Variants in EIF4G1 observed in about 807,000 individuals in gnomAD.
The protein encoded by EIF4G1 is eukaryotic translation initiation factor 4 gamma 1.
Under a neutral mutation model 187.8 loss-of-function variants are expected in EIF4G1, and 4 were observed. That is an observed-to-expected ratio of 0.02 (90% CI 0.01 to 0.05). EIF4G1 has a LOEUF of 0.05. EIF4G1 is among the 10% of genes least tolerant of loss of function. EIF4G1 has a pLI of 1.00. For synonymous variants in EIF4G1, 844 were observed against 781.4 expected, an observed-to-expected ratio of 1.08 and a Z score of -1.34; for missense variants, 1,647 against 2,081.1, an observed-to-expected ratio of 0.79 and a Z score of 4.06.
rs1308948244 is a variant in EIF4G1 at position 184,321,153 on chromosome 3, G to A, written c.698-129G>A. ...AATTGGGTTTTGGATGAAAGTGGAA[G>A]TATAGCTTAGGTGGGGAGAAGATGA... On this transcript the variant is annotated intron_variant, in intron 9 of 32. Transcript: ENST00000346169. 8 of 1,489,954 alleles carry A rather than the reference G, an allele frequency of 5.4e-6. No homozygotes were observed. In the Admixed American group the frequency reaches 1.3e-4, roughly 23 times the overall value. 92.3% of individuals were successfully genotyped at this position (1,489,954 alleles called of 1,614,324 possible).
At chr3:184,320,300 G>C in intron 7 of EIF4G1, 1 of 1,273,420 alleles carries the variant, frequency 7.9e-7, no homozygotes, top group Non-Finnish European at 1.0e-6. Context: ...AGCCACAAGT[G>C]AGCCGATTGG....
In EIF4G1 at chr3:184,323,869, C is replaced by T. The variant is rs954078236; in HGVS notation, c.2364C>T (p.Ile788=). The T allele has an allele frequency of 1.2e-5, 20 of 1,614,106 alleles. No homozygotes were observed. The highest frequency in any genetic ancestry group is 1.6e-4 in the Middle Eastern group (1 of 6,074). ...QLMKQVTQLA[I]DTEERLKGVI... ...TGAAGCAAGTGACGCAGCTGGCCAT[C>T]GACACCGAGGAACGCCTCAAAGGGG... The change falls in exon 16 of 33, where the codon ATC becomes ATT. Residue 788 remains isoleucine (I), a synonymous_variant. Transcript: ENST00000346169. This position sits in a 1 kb window ranked among gnomAD's most constrained non-coding sequence, Gnocchi z 6.9.
At chr3:184,329,178 C>A in intron 28 of EIF4G1, 188 bp downstream of exon 28, 1 of 667,906 alleles carries the variant, frequency 1.5e-6, no homozygotes, top group Admixed American at 2.4e-5. Context: ...TGAGTTCTGG[C>A]CAAGACTGGA....
chr3:184,322,268 C>T (rs1385676854), intron 10 of EIF4G1, 94 bp from the exon 11 acceptor site: 3 of 1,521,912 alleles, frequency 2.0e-6, no homozygotes, highest in East Asian at 4.7e-5. Flanking sequence ...AGGGGAAATA[C>T]TGTTCTTTGG....
At chr3:184,318,691 G>A (rs1723220924) in intron 6 of EIF4G1, among the ~76,000 whole-genome samples, 1 of 152,178 alleles carries the variant, frequency 6.6e-6, no homozygotes, top group African/African-American at 2.4e-5. Context: ...TGCAGCCTCC[G>A]CCTCTTGGGT....
chr3:184,332,171 T>C, intron 32 of EIF4G1, 85 bp downstream of exon 32: 1 of 1,585,914 alleles, frequency 6.3e-7, no homozygotes, highest in South Asian at 1.1e-5. Context: ...AGGGTCTTAA[T>C]CCAAGAAAGG....
At chr3:184,328,823 G>T in intron 27 of EIF4G1, 67 bp downstream of exon 27, 2 of 1,614,100 alleles carry the variant, frequency 1.2e-6, no homozygotes, top group Non-Finnish European at 1.7e-6. Flanking sequence ...GAAATGGCTG[G>T]GTTGGATACC....
chr3:184,328,261 G>T, intron 26 of EIF4G1: 1 of 504,368 alleles, frequency 2.0e-6, no homozygotes, highest in Non-Finnish European at 3.6e-6. Context: ...GCCAGGCGTG[G>T]TGGCACAGTA....
chr3:184,319,501 C>T (rs940570338), intron 6 of EIF4G1, 188 bp from the exon 7 acceptor site: 14 of 571,734 alleles, frequency 2.4e-5, no homozygotes, highest in South Asian at 7.2e-5. Context: ...TTCTTGTAAA[C>T]GCAGTTCAGA....
At position 184,324,900 on chromosome 3, in the gene EIF4G1, A is replaced by G. The variant is rs1724594456; in HGVS notation, c.2642A>G (p.Lys881Arg). Residue 881 changes from lysine (K) to arginine (R), a missense_variant, in exon 18 of 33, where the codon AAG (lysine) becomes AGG (arginine). Physicochemically the swap from Lys to Arg is conservative, Grantham distance 26 (BLOSUM62 2). Transcript: ENST00000346169. The part of the protein sequence containing the change: ...AATAEERGRL[K>R]EELEEARDIA... The stretch of plus-strand genomic sequence containing the variant: ...CAGGCAGAGGAACGAGGACGCCTGA[A>G]GGAAGAGCTGGAAGAGGCTCGGGAC... The G allele has an allele frequency of 6.2e-7, 1 of 1,614,130 alleles. No individual in the cohort carries two copies. The highest frequency in any genetic ancestry group is 8.5e-7 in the Non-Finnish European group (1 of 1,180,038).
intron 4 of EIF4G1, chr3:184,316,790 C>G: frequency 1.3e-6 from 2 of 1,550,546 alleles, no homozygotes; most frequent in East Asian, 2.2e-5. Flanking sequence ...ACCCTCCACC[C>G]TAGTCAGGGG....
In EIF4G1 at chr3:184,325,016, G is replaced by C; in HGVS notation, c.2758G>C (p.Val920Leu). The C allele has an allele frequency of 2.5e-6, 4 of 1,614,228 alleles. No individual in the cohort carries two copies. Among genetic ancestry groups the C allele is most frequent in the Non-Finnish European group, 3.4e-6 (4 of 1,180,050 alleles). Reference protein sequence around the residue: ...MLTEAIMHDCVVKLLKNHDEE... With the variant: ...MLTEAIMHDCLVKLLKNHDEE... ...AACAGAGGCAATAATGCATGACTGT[G>C]TGGTCAAACTGCTTAAGAACCATGA... The change falls in exon 18 of 33, where the codon GTG becomes CTG. Residue 920 changes from valine (V) to leucine (L), a missense_variant. By Grantham distance (32) the Val-to-Leu change is conservative (BLOSUM62 1). Transcript: ENST00000346169. This position sits in a 1 kb window ranked among gnomAD's most constrained non-coding sequence, Gnocchi z 5.2.
chr3:184,332,084 C>T lies in EIF4G1; in HGVS notation c.4616C>T (p.Pro1539Leu), dbSNP rs2108521994. The T allele has an allele frequency of 6.2e-7, 1 of 1,614,142 alleles. No individual in the cohort carries two copies. The highest frequency in any genetic ancestry group is 8.5e-7 in the Non-Finnish European group (1 of 1,180,014). ...QALVVTLEQP[P>L]NLLRMFFDAL... ...CTTGTAGTGACCTTAGAACAGCCTCCCAGTAAGAGCCAGGCCATGGGGACA... is the reference window on the plus strand; with the variant it reads ...CTTGTAGTGACCTTAGAACAGCCTCTCAGTAAGAGCCAGGCCATGGGGACA... The change falls in exon 32 of 33, where the codon CCC becomes CTC. Residue 1539 changes from proline to leucine, a missense_variant and splice_region_variant. Transcript: ENST00000346169.
In EIF4G1 at chr3:184,334,087, C is replaced by T. The variant is rs55967915; in HGVS notation, c.4619-640C>T. ...GGTGGTGCCTTGTGGGCACTGGGGTCGGTTGTGTTTCAGGGGTTATAGGAC... is the reference window on the plus strand; with the variant it reads ...GGTGGTGCCTTGTGGGCACTGGGGTTGGTTGTGTTTCAGGGGTTATAGGAC... On this transcript the variant is annotated intron_variant, in intron 32 of 32. Coordinates refer to ENST00000346169, the MANE Select transcript of EIF4G1 (RefSeq NM_198241.3). The surrounding 1 kb of genome is among the most constrained non-coding windows in gnomAD (Gnocchi z 5.8). Among the ~76,000 whole-genome samples the T allele has an allele frequency of 2.0e-5, 3 of 151,958 alleles. No individual in the cohort carries two copies. In the South Asian group the frequency reaches 6.2e-4, roughly 32 times the overall value.
At chr3:184,330,224 A>G (rs1577251278) in intron 28 of EIF4G1, among the ~76,000 whole-genome samples, 1 of 152,080 alleles carries the variant, frequency 6.6e-6, no homozygotes, top group Admixed American at 6.5e-5. Flanking sequence ...TAAAAATACA[A>G]AAAAATTAGC....
At position 184,325,624 on chromosome 3, in the gene EIF4G1, C is replaced by G. The variant is rs771572075; in HGVS notation, c.3106C>G (p.Pro1036Ala). 3 of 1,614,058 alleles carry G rather than the reference C, an allele frequency of 1.9e-6. No homozygotes were observed. The highest frequency in any genetic ancestry group is 2.5e-6 in the Non-Finnish European group (3 of 1,180,038). The change falls in exon 20 of 33, where the codon CCA (proline) becomes GCA (alanine). Residue 1036 changes from proline (P) to alanine (A), a missense_variant. Pro to Ala is a conservative substitution (Grantham distance 27). This residue lies in a region of EIF4G1 where 142 missense variants were observed against 296.6 expected (regional missense o/e 0.48). Coordinates refer to ENST00000346169, the MANE Select transcript of EIF4G1 (RefSeq NM_198241.3). The surrounding 1 kb of genome is among the most constrained non-coding windows in gnomAD (Gnocchi z 5.2). Reference sequence around the variant, plus strand: ...CAGTGACAAGCGTCGGGGCGGTCCTCCAGGCCCTCCCATCAGTGAGTTCCA... The same window carrying G: ...CAGTGACAAGCGTCGGGGCGGTCCTGCAGGCCCTCCCATCAGTGAGTTCCA... ...KGSDKRRGGP[P>A]GPPISRGLPL...
Position 184,322,795 on chromosome 3 carries a change from A to G in EIF4G1, c.1796-26A>G, listed in dbSNP as rs367592805. The G allele has an allele frequency of 1.9e-6, 3 of 1,614,076 alleles. No individual in the cohort carries two copies. In the African/African-American group the frequency reaches 4.0e-5, roughly 22 times the overall value. On this transcript the variant is annotated intron_variant, in intron 12 of 32. Coordinates refer to ENST00000346169, the MANE Select transcript of EIF4G1 (RefSeq NM_198241.3). ...TATTAGGGCCAGAGGAGGCAGTATG[A>G]TTGCTTCATTCTGTTTTCCTTGCAG...
intron 16 of EIF4G1, 50 bp from the exon 17 acceptor site, chr3:184,324,151 C>T (rs1263840139): frequency 6.2e-7 from 1 of 1,613,892 alleles, no homozygotes. Flanking sequence ...CTTGGAGGGC[C>T]TTCCCTGCCC....
intron 16 of EIF4G1, 86 bp downstream of exon 16, chr3:184,324,063 C>T (rs542260858): frequency 1.9e-6 from 3 of 1,606,230 alleles, no homozygotes; most frequent in African/African-American, 2.7e-5. Flanking sequence ...CTTGGTTCCC[C>T]TCCAACTTGT....
Sources: gnomAD v4.1 joint callset for allele counts (sites outside exome capture counted in the v4.1 genomes callset) on GRCh38, gnomAD v4.1.1 for gene constraint, gnomAD v4.1.1 regional missense constraint, Gnocchi (gnomAD v3.1) non-coding constraint, MANE v1.5 for transcripts, NCBI Gene and HGNC (gene_info 2026-07-23, HGNC 2026-07-21) for gene names.